ABAT: variants seen among roughly 807,000 people sequenced by gnomAD.
The protein encoded by ABAT is 4-aminobutyrate aminotransferase.
Under a neutral mutation model 64.6 loss-of-function variants are expected in ABAT, and 45 were observed. The ratio of observed to expected loss-of-function variants is 0.70; its 90% CI spans 0.55 to 0.89. The LOEUF is 0.89. ABAT is among the 40% of genes least tolerant of loss of function. ABAT has a pLI of 0.00. For missense variants in ABAT, 633 were observed against 658.4 expected, an observed-to-expected ratio of 0.96 and a Z score of 0.42; for synonymous variants, 297 against 250.5, an observed-to-expected ratio of 1.19 and a Z score of -1.75.
intron 1 of ABAT, among the ~76,000 whole-genome samples, chr16:8,694,677 G>C (rs1256926905): frequency 6.6e-6 from 1 of 152,180 alleles, no homozygotes; most frequent in African/African-American, 2.4e-5. Context: ...CGCACCTGGG[G>C]CCAGCTATGA....
chr16:8,735,837 T>C (rs1371503080), intron 2 of ABAT, 28 bp downstream of exon 2: 1 of 1,564,770 alleles, frequency 6.4e-7, no homozygotes, highest in South Asian at 1.2e-5. Context: ...TGATAAGAAC[T>C]GGTACTAATG....
intron 5 of ABAT, among the ~76,000 whole-genome samples, chr16:8,750,868 A>G (rs2059460166): frequency 6.6e-6 from 1 of 151,814 alleles, no homozygotes; most frequent in Non-Finnish European, 1.5e-5. Context: ...GTGTGACCAC[A>G]GTGGCACCCA....
chr16:8,725,369 T>A (rs1488377133), intron 1 of ABAT, among the ~76,000 whole-genome samples: 4 of 152,192 alleles, frequency 2.6e-5, no homozygotes, highest in Non-Finnish European at 5.9e-5. Context: ...TAAGCAGTCA[T>A]CTCTCATTCC....
At chr16:8,696,442 A>G (rs1204120852) in intron 1 of ABAT, among the ~76,000 whole-genome samples, 1 of 152,100 alleles carries the variant, frequency 6.6e-6, no homozygotes, top group Non-Finnish European at 1.5e-5. Context: ...GGCCAACATG[A>G]TGAAGCCCTG....
intron 1 of ABAT, among the ~76,000 whole-genome samples, chr16:8,721,631 A>G (rs909146896): frequency 2.6e-5 from 4 of 152,216 alleles, no homozygotes; most frequent in Non-Finnish European, 5.9e-5. Flanking sequence ...TGGAAGGTCT[A>G]TTGCATGTGG....
chr16:8,747,188 A>G (rs1201797698), intron 3 of ABAT, among the ~76,000 whole-genome samples: 1 of 152,216 alleles, frequency 6.6e-6, no homozygotes, highest in South Asian at 2.1e-4. Context: ...GCTGGGGTAC[A>G]ACATCCAAAC....
At position 8,692,143 on chromosome 16, in the gene ABAT, C is replaced by T. The variant is rs141979093; in HGVS notation, c.-42+17432C>T. Among the ~76,000 whole-genome samples the T allele has an allele frequency of 8.5e-3, 1,300 of 152,140 alleles. 9 individuals carry two copies. The highest frequency in any genetic ancestry group is 0.014 in the Middle Eastern group (4 of 294). On this transcript the variant is annotated intron_variant, in intron 1 of 15. Coordinates refer to ENST00000268251, the MANE Select transcript of ABAT (RefSeq NM_020686.6). ...TGTCTGTAATCCCAGAACTTTGGGA[C>T]GCCAAGGTGGGAGGATCACTTAAGG... is the stretch of plus-strand genomic sequence containing the variant.
At chr16:8,756,653 C>T (rs1165588251) in intron 5 of ABAT, among the ~76,000 whole-genome samples, 2 of 152,236 alleles carry the variant, frequency 1.3e-5, no homozygotes, top group African/African-American at 4.8e-5. Context: ...TCTCCTTCTT[C>T]ACTTAGCAGA....
At chr16:8,737,768 C>CAA (rs55786206) in intron 2 of ABAT, among the ~76,000 whole-genome samples, 17 of 144,700 alleles carry the variant, frequency 1.2e-4, no homozygotes, top group South Asian at 2.2e-4. Flanking sequence ...ACTAAAAATA[C>CAA]AAAAAAAAAA....
At chr16:8,678,558 A>T (rs961201577) in intron 1 of ABAT, among the ~76,000 whole-genome samples, 3 of 152,216 alleles carry the variant, frequency 2.0e-5, no homozygotes, top group African/African-American at 7.2e-5. Flanking sequence ...TGTTTGAGAA[A>T]CAACTGAGTT....
chr16:8,770,623 G>T (rs2142990628), intron 11 of ABAT, among the ~76,000 whole-genome samples: 1 of 151,940 alleles, frequency 6.6e-6, no homozygotes, highest in African/African-American at 2.4e-5. Flanking sequence ...TGTATTTTTT[G>T]CAGAAACAGG....
intron 8 of ABAT, among the ~76,000 whole-genome samples, chr16:8,765,181 C>A (rs1230650294): frequency 6.7e-6 from 1 of 148,282 alleles, no homozygotes; most frequent in Non-Finnish European, 1.5e-5. Flanking sequence ...AAAAAAAATT[C>A]AAAAATTGGC....
intron 1 of ABAT, among the ~76,000 whole-genome samples, chr16:8,677,590 T>C (rs2057234015): frequency 6.6e-6 from 1 of 152,160 alleles, no homozygotes; most frequent in Admixed American, 6.5e-5. Context: ...TTCTTTGTTG[T>C]GGGACTCCCC....
At chr16:8,779,424 C>T (rs1237376483) in intron 14 of ABAT, 55 bp from the exon 15 acceptor site, 4 of 1,493,020 alleles carry the variant, frequency 2.7e-6, no homozygotes, top group Non-Finnish European at 2.8e-6. Context: ...CCATTAAGCC[C>T]AGCTGGTACA....
chr16:8,774,781 A>G, intron 12 of ABAT, 109 bp from the exon 13 acceptor site: 2 of 1,370,918 alleles, frequency 1.5e-6, no homozygotes, highest in Non-Finnish European at 2.1e-6. Context: ...TCAGAAAACA[A>G]GCACGATGTG....
intron 1 of ABAT, among the ~76,000 whole-genome samples, chr16:8,728,596 C>T (rs1167272508): frequency 6.6e-6 from 1 of 152,152 alleles, no homozygotes; most frequent in Non-Finnish European, 1.5e-5. Context: ...AGAGTTTGGG[C>T]CATGCACAGT....
At chr16:8,717,145 C>A (rs1215004977) in intron 1 of ABAT, among the ~76,000 whole-genome samples, 1 of 152,008 alleles carries the variant, frequency 6.6e-6, no homozygotes, top group Non-Finnish European at 1.5e-5. Context: ...CAAAAATTAG[C>A]CAGGAGTGAT....
chr16:8,697,008 C>T (rs933119516), intron 1 of ABAT, among the ~76,000 whole-genome samples: 2 of 152,116 alleles, frequency 1.3e-5, no homozygotes, highest in Admixed American at 6.5e-5. Flanking sequence ...GAACAAGAGA[C>T]GAGGAGCTTG....
At chr16:8,742,764 G>T (rs1381677535) in intron 2 of ABAT, among the ~76,000 whole-genome samples, 1 of 151,152 alleles carries the variant, frequency 6.6e-6, no homozygotes, top group African/African-American at 2.4e-5. Context: ...TACTCAGGGG[G>T]CTAAGGTGAG....
Sources: allele counts gnomAD v4.1 joint callset (sites outside exome capture counted in the v4.1 genomes callset), GRCh38; gene constraint gnomAD v4.1.1; transcripts MANE v1.5; gene names NCBI Gene and HGNC (gene_info 2026-07-23, HGNC 2026-07-21).